The following ZNF114 variants were observed in gnomAD, a reference collection of about 807,000 sequenced individuals.
ZNF114 encodes the protein zinc finger protein 114.
Under a neutral mutation model 6.8 loss-of-function variants are expected in ZNF114, and 8 were observed. The observed-to-expected ratio is 1.18, with a 90% CI of 0.69 to 2.13. The LOEUF is 2.13. Ranked by LOEUF, ZNF114 falls within the 30% of genes most tolerant of loss-of-function variation. ZNF114 has a pLI of 0.00. For missense variants in ZNF114, 472 were observed against 519.5 expected (o/e 0.91, Z 0.89); for synonymous variants, 169 against 185.5 (o/e 0.91, Z 0.72).
chr19:48,283,476 T>C (rs890175534), intron 5 of ZNF114, among the ~76,000 whole-genome samples: 11 of 152,090 alleles, frequency 7.2e-5, no homozygotes, highest in African/African-American at 2.7e-4. Flanking sequence ...TGCCCTCTCA[T>C]TTGGAGCAAG....
At chr19:48,270,582 AAG>A (rs1967627953) in intron 1 of ZNF114, among the ~76,000 whole-genome samples, 1 of 149,298 alleles carries the variant, frequency 6.7e-6, no homozygotes, top group Non-Finnish European at 1.5e-5. Context: ...AGAAAGAAGA[AAG>A]AAAGAAAGAG....
At chr19:48,272,038 A>C (rs771445956) in intron 3 of ZNF114, among the ~76,000 whole-genome samples, 1 of 152,170 alleles carries the variant, frequency 6.6e-6, no homozygotes, top group Non-Finnish European at 1.5e-5. Flanking sequence ...AGCGTTGCGA[A>C]AGCGCCTGTC....
intron 3 of ZNF114, among the ~76,000 whole-genome samples, chr19:48,273,425 TCTG>T (rs1351953390): frequency 2.4e-5 from 2 of 85,060 alleles, no homozygotes; most frequent in Admixed American, 1.1e-4. Context: ...TCTTTTCTTT[TCTG>T]TTTTTTTTTT....
intron 1 of ZNF114, among the ~76,000 whole-genome samples, chr19:48,270,703 AAAAG>A (rs1457750671): frequency 3.6e-5 from 5 of 140,534 alleles, no homozygotes; most frequent in Admixed American, 6.9e-5. Flanking sequence ...GAGGGAGAGG[AAAAG>A]AAAGAAAGAG....
At chr19:48,284,477 CTG>C (rs1484955843) in intron 5 of ZNF114, among the ~76,000 whole-genome samples, 1 of 152,226 alleles carries the variant, frequency 6.6e-6, no homozygotes, top group African/African-American at 2.4e-5. Context: ...GTTGCCCAGG[CTG>C]GAGTGCAGTG....
chr19:48,277,982 G>C (rs1170615183), intron 3 of ZNF114, among the ~76,000 whole-genome samples: 1 of 151,720 alleles, frequency 6.6e-6, no homozygotes, highest in Admixed American at 6.6e-5. Context: ...GCCCATGCTG[G>C]GGTGTGCAGT....
chr19:48,280,924 GAC>G (rs1446988127), intron 4 of ZNF114, among the ~76,000 whole-genome samples: 1 of 152,158 alleles, frequency 6.6e-6, no homozygotes, highest in Non-Finnish European at 1.5e-5. Flanking sequence ...GCATGAGAAA[GAC>G]ACACAGTTGG....
At chr19:48,285,225 C>T (rs910014264) in intron 5 of ZNF114, among the ~76,000 whole-genome samples, 3 of 152,138 alleles carry the variant, frequency 2.0e-5, no homozygotes, top group Non-Finnish European at 2.9e-5. Context: ...AGGCCTGGCG[C>T]GTTGGCTCAT....
chr19:48,282,578 A>C, intron 5 of ZNF114, 81 bp downstream of exon 5: 1 of 1,494,712 alleles, frequency 6.7e-7, no homozygotes, highest in African/African-American at 1.4e-5. Flanking sequence ...GTGCATTGGA[A>C]AATGGGAACT....
At chr19:48,273,914 C>T (rs1967752247) in intron 3 of ZNF114, among the ~76,000 whole-genome samples, 2 of 151,754 alleles carry the variant, frequency 1.3e-5, no homozygotes, top group South Asian at 2.1e-4. Flanking sequence ...CCCGCCACCA[C>T]GCCCGGCTAA....
chr19:48,287,122 A>G lies in ZNF114; in HGVS notation c.*244A>G, dbSNP rs946406670. 2.1e-5 allele frequency: 7 copies of G among 337,298 alleles called. No individual in the cohort carries two copies. The highest frequency in any genetic ancestry group is 3.2e-5 in the Non-Finnish European group (6 of 189,128). The allele number at this position is 337,298 out of a possible 1,614,324, so 20.9% of individuals were successfully genotyped here. On this transcript the variant is annotated 3_prime_UTR_variant, in exon 6 of 6. Coordinates refer to ENST00000595607, the MANE Select transcript of ZNF114 (RefSeq NM_153608.4). The stretch of plus-strand genomic sequence containing the variant: ...AAACTGCGAATCTAAAAGGAATATG[A>G]CAAAGCCTTCAGCGTGGTCTCAAAT...
chr19:48,286,355 G>A lies in ZNF114; in HGVS notation c.731G>A (p.Arg244Gln), dbSNP rs75734088. The A allele has an allele frequency of 0.018, 29,846 of 1,614,134 alleles. 327 individuals carry two copies. The highest frequency in any genetic ancestry group is 0.022 in the Non-Finnish European group (25,953 of 1,180,032). ...GSLRAHNTHG[R>Q]EKMYDFTQCE... ...CTTAGGGCACACAACACTCATGGTC[G>A]AGAGAAAATGTATGATTTTACTCAG... Residue 244 changes from arginine (R) to glutamine (Q), a missense_variant, in exon 6 of 6, where the codon CGA (arginine) becomes CAA (glutamine). Transcript: ENST00000595607.
chr19:48,276,192 G>T (rs1444799484), intron 3 of ZNF114, among the ~76,000 whole-genome samples: 1 of 145,420 alleles, frequency 6.9e-6, no homozygotes, highest in African/African-American at 2.5e-5. Flanking sequence ...TGATTCTCCT[G>T]CTTCAGCCTC....
At chr19:48,281,078 A>G (rs74174249) in intron 4 of ZNF114, among the ~76,000 whole-genome samples, 6,157 of 152,092 alleles carry the variant, frequency 0.04, 230 homozygotes, top group Middle Eastern at 0.14. Context: ...AGCAGTTCGA[A>G]GCTGCCGTGA....
intron 1 of ZNF114, among the ~76,000 whole-genome samples, chr19:48,270,494 G>A (rs1210933733): frequency 7.4e-6 from 1 of 135,198 alleles, no homozygotes; most frequent in Non-Finnish European, 1.6e-5. Flanking sequence ...GGGGAAGGAA[G>A]GAAAGAAAGA....
In ZNF114 at chr19:48,279,729, A is replaced by G; in HGVS notation, c.-69-2A>G. 3 of 1,610,182 alleles carry G rather than the reference A, an allele frequency of 1.9e-6. No homozygotes were observed. In the South Asian group the frequency reaches 3.3e-5, roughly 18 times the overall value. ...TTCTCATAGCTCCATTCTTCTCCCA[A>G]GCTCTGCCTCACCTGCCTCCTTGAA... On this transcript the variant is annotated splice_acceptor_variant, in intron 3 of 5. Coordinates refer to ENST00000595607, the MANE Select transcript of ZNF114 (RefSeq NM_153608.4). LOFTEE classifies it low-confidence loss of function (5UTR_SPLICE).
At chr19:48,272,703 T>G in intron 3 of ZNF114, among the ~76,000 whole-genome samples, 1 of 104,218 alleles carries the variant, frequency 9.6e-6, no homozygotes, top group African/African-American at 3.7e-5. Context: ...AAAAAAGTAT[T>G]GGATTGGAGC....
At chr19:48,276,618 C>G (rs554237598) in intron 3 of ZNF114, among the ~76,000 whole-genome samples, 12 of 152,304 alleles carry the variant, frequency 7.9e-5, no homozygotes, top group African/African-American at 2.6e-4. Flanking sequence ...ACCTCCTGGG[C>G]TCAAATGATC....
chr19:48,280,662 C>T (rs1302611622), intron 4 of ZNF114, among the ~76,000 whole-genome samples: 1 of 151,270 alleles, frequency 6.6e-6, no homozygotes, highest in Non-Finnish European at 1.5e-5. Context: ...AAGTGATTCT[C>T]CTGCCTCAGC....
Sources: allele counts gnomAD v4.1 joint callset (sites outside exome capture counted in the v4.1 genomes callset), GRCh38; gene constraint gnomAD v4.1.1; transcripts MANE v1.5; gene names NCBI Gene and HGNC (gene_info 2026-07-23, HGNC 2026-07-21).